EPHX2: variants seen among roughly 807,000 people sequenced by gnomAD.
EPHX2 encodes bifunctional epoxide hydrolase 2.
EPHX2 carries 74 observed loss-of-function variants against 78.7 expected under a neutral mutation model. The ratio of observed to expected loss-of-function variants is 0.94; its 90% CI spans 0.78 to 1.14. The LOEUF (loss-of-function observed/expected upper bound fraction) is 1.14, where lower values mean the gene tolerates loss of function less well. Ranked by LOEUF, EPHX2 falls within the 50% of genes most tolerant of loss-of-function variation. EPHX2 has a pLI of 0.00. For synonymous variants in EPHX2, 251 were observed against 255.2 expected (o/e 0.98, Z 0.16); for missense variants, 715 against 702.5 (o/e 1.02, Z -0.20).
rs374218183 is a variant in EPHX2 at position 27,516,416 on chromosome 8, C to T, written c.910+18C>T. The T allele has an allele frequency of 7.3e-5, 117 of 1,612,518 alleles. No homozygotes were observed. Among genetic ancestry groups the T allele is most frequent in the Non-Finnish European group, 9.3e-5 (110 of 1,178,820 alleles). ...TCCTCCCGGTGGGTGTGCTGTCTTGCAGCTGTCTTATGCTGGTCTTGCCTT... is the reference window on the plus strand; with the variant it reads ...TCCTCCCGGTGGGTGTGCTGTCTTGTAGCTGTCTTATGCTGGTCTTGCCTT... On this transcript the variant is annotated intron_variant, in intron 8 of 18. Coordinates refer to ENST00000521400, the MANE Select transcript of EPHX2 (RefSeq NM_001979.6).
chr8:27,523,435 A>G (rs1292963898), intron 11 of EPHX2, among the ~76,000 whole-genome samples: 1 of 152,172 alleles, frequency 6.6e-6, no homozygotes, highest in Non-Finnish European at 1.5e-5. Context: ...TGAGCTGGTG[A>G]GCTGCAGCTA....
At chr8:27,548,344 G>T (rs952905950), downstream of EPHX2, among the ~76,000 whole-genome samples, 1 of 152,166 alleles carries the variant, frequency 6.6e-6, no homozygotes. Context: ...GGCTCAAAGG[G>T]TTTTTTTCCA....
chr8:27,511,868 T>G lies in EPHX2; in HGVS notation c.693T>G (p.Ser231=). ...LLNTPAPLPT[S]CNPSDMSHGY... ...ATACCCCGGCCCCTCTGCCGACCTC[T>G]TGCAATCCAAGTGACATGAGCCATG... Residue 231 remains serine (S), a synonymous_variant, in exon 6 of 19, where the codon TCT becomes TCG. Transcript: ENST00000521400. 6.2e-7 allele frequency: 1 copy of G among 1,614,152 alleles called. No individual in the cohort carries two copies. Among genetic ancestry groups the G allele is most frequent in the South Asian group, 1.1e-5 (1 of 91,074 alleles).
intron 12 of EPHX2, among the ~76,000 whole-genome samples, chr8:27,532,115 G>A (rs1490434146): frequency 6.6e-6 from 1 of 152,090 alleles, no homozygotes; most frequent in Non-Finnish European, 1.5e-5. Flanking sequence ...CCACCCTGCG[G>A]TTGGCACACC....
In EPHX2 at chr8:27,515,804, G is replaced by C. The variant is rs1295286702; in HGVS notation, c.822G>C (p.Trp274Cys). Residue 274 changes from tryptophan (W) to cysteine (C), a missense_variant, in exon 7 of 19, where the codon TGG becomes TGC. Trp to Cys is a radical substitution (Grantham distance 215, BLOSUM62 -2). Transcript: ENST00000521400. ...GATTTCCCGAGAGTTGGTATTCTTG[G>C]AGGTACCAGGTGAGAAAGCTGGGGA... ...CHGFPESWYSWRYQIPALAQA... is the reference protein window; with the variant it reads ...CHGFPESWYSCRYQIPALAQA... The C allele has an allele frequency of 2.5e-6, 4 of 1,613,924 alleles. No homozygotes were observed. The highest frequency in any genetic ancestry group is 3.3e-5 in the Admixed American group (2 of 60,028).
At chr8:27,515,660 G>A (rs1292968544) in intron 6 of EPHX2, 58 bp from the exon 7 acceptor site, 5 of 1,443,810 alleles carry the variant, frequency 3.5e-6, no homozygotes, top group South Asian at 2.3e-5. Context: ...ACGCTGTGGG[G>A]CCTGGGTCCA....
intron 17 of EPHX2, 145 bp downstream of exon 17, chr8:27,543,974 C>A: frequency 1.0e-6 from 1 of 988,884 alleles, no homozygotes; most frequent in South Asian, 1.5e-5. Context: ...TCACTGTCCC[C>A]CCATTGCAAG....
At chr8:27,498,622 A>G (rs752384260) in intron 1 of EPHX2, among the ~76,000 whole-genome samples, 3 of 152,108 alleles carry the variant, frequency 2.0e-5, no homozygotes, top group Non-Finnish European at 4.4e-5. Context: ...TGAGCTTCCT[A>G]TGAATAGCAT....
chr8:27,501,079 C>G, intron 2 of EPHX2, 69 bp downstream of exon 2: 1 of 1,391,184 alleles, frequency 7.2e-7, no homozygotes. Context: ...TCTCCCCGAA[C>G]TTGGGGCCCA....
intron 12 of EPHX2, among the ~76,000 whole-genome samples, chr8:27,527,026 C>T (rs1017882775): frequency 1.3e-5 from 2 of 152,106 alleles, no homozygotes; most frequent in African/African-American, 2.4e-5. Context: ...CTGCAACCTC[C>T]GCCTCCTAAG....
chr8:27,543,693 AGGG>A, intron 16 of EPHX2, 53 bp from the exon 17 acceptor site: 1 of 1,579,252 alleles, frequency 6.3e-7, no homozygotes. Context: ...TCAGAGGAGG[AGGG>A]AGGGCTTCCT....
intron 8 of EPHX2, among the ~76,000 whole-genome samples, chr8:27,517,528 A>G (rs1814500475): frequency 6.6e-6 from 1 of 152,242 alleles, no homozygotes; most frequent in Non-Finnish European, 1.5e-5. Flanking sequence ...AAACAGTGTG[A>G]TACAAACATA....
At chr8:27,495,986 G>T (rs978824856) in intron 1 of EPHX2, among the ~76,000 whole-genome samples, 7 of 152,120 alleles carry the variant, frequency 4.6e-5, no homozygotes, top group Admixed American at 1.3e-4. Context: ...GCATAGAGTG[G>T]CCTGGCCATC....
At chr8:27,523,062 C>G (rs758071872) in intron 11 of EPHX2, among the ~76,000 whole-genome samples, 1 of 151,724 alleles carries the variant, frequency 6.6e-6, no homozygotes, top group African/African-American at 2.4e-5. Context: ...ATTCAGGGCC[C>G]GAGTGGCCAG....
intron 12 of EPHX2, among the ~76,000 whole-genome samples, chr8:27,525,815 C>T (rs1814826403): frequency 6.6e-6 from 1 of 152,138 alleles, no homozygotes; most frequent in African/African-American, 2.4e-5. Flanking sequence ...GATTATGGCA[C>T]CAGGGTCTAA....
At chr8:27,508,626 A>C (rs551614369) in intron 5 of EPHX2, among the ~76,000 whole-genome samples, 10 of 152,156 alleles carry the variant, frequency 6.6e-5, no homozygotes, top group Non-Finnish European at 4.4e-5. Context: ...GGAAAGTAAA[A>C]ACTATATCTC....
At chr8:27,499,168 A>G (rs375563928) in intron 1 of EPHX2, among the ~76,000 whole-genome samples, 1 of 152,200 alleles carries the variant, frequency 6.6e-6, no homozygotes, top group South Asian at 2.1e-4. Context: ...CCATTAGCCT[A>G]TGGATGAATT....
intron 12 of EPHX2, among the ~76,000 whole-genome samples, chr8:27,531,655 T>C (rs893085232): frequency 1.3e-5 from 2 of 152,204 alleles, no homozygotes; most frequent in Non-Finnish European, 2.9e-5. Context: ...TTGGCGTTAC[T>C]TGTAAAGGGC....
chr8:27,504,329 C>T (rs1015711231), intron 3 of EPHX2, among the ~76,000 whole-genome samples: 1 of 152,198 alleles, frequency 6.6e-6, no homozygotes, highest in Admixed American at 6.5e-5. Flanking sequence ...CCTCCTATTG[C>T]GTGGGAAGAG....
Sources: gnomAD v4.1 joint callset for allele counts (sites outside exome capture counted in the v4.1 genomes callset) on GRCh38, gnomAD v4.1.1 for gene constraint, MANE v1.5 for transcripts, NCBI Gene and HGNC (gene_info 2026-07-23, HGNC 2026-07-21) for gene names.